SLC38A9: variants seen among roughly 807,000 people sequenced by gnomAD.
SLC38A9 encodes solute carrier family 38 member 9, also known as neutral amino acid transporter 9.
SLC38A9 carries 48 observed loss-of-function variants against 62.3 expected under a neutral mutation model. That is an observed-to-expected ratio of 0.77 (90% CI 0.61 to 0.98). The LOEUF (loss-of-function observed/expected upper bound fraction) is 0.98, where lower values mean the gene tolerates loss of function less well. SLC38A9 is among the 50% of genes least tolerant of loss of function. The pLI, the probability that SLC38A9 is intolerant of heterozygous loss-of-function variation, is 0.00. For missense variants in SLC38A9, 541 were observed against 679.8 expected (o/e 0.80, Z 2.27); for synonymous variants, 204 against 227.7 (o/e 0.90, Z 0.94).
In SLC38A9 at chr5:55,639,983, C is replaced by CTTTTTT. The variant is rs36073153; in HGVS notation, c.1168-4332_1168-4327dup. Among the ~76,000 whole-genome samples the CTTTTTT allele has an allele frequency of 3.5e-4, 34 of 98,462 alleles. 1 individual carries two copies. Among genetic ancestry groups the CTTTTTT allele is most frequent in the Non-Finnish European group, 4.2e-4 (22 of 52,720 alleles). 64.6% of individuals were successfully genotyped at this position (98,462 alleles called of 152,430 possible). A position where few individuals can be genotyped will look rare whatever the true frequency, so the allele number is the denominator to read the frequency against. On this transcript the variant is annotated intron_variant, in intron 12 of 15. Transcript: ENST00000396865. ...AAAAAAAAATCCATTTAAACCTTTG[C>CTTTTTT]TTTTTTTTTTTTTTTTTTTTGAGAT...
chr5:55,669,539 C>T lies in SLC38A9; in HGVS notation c.432+18G>A. 1 of 1,589,488 alleles carries T rather than the reference C, an allele frequency of 6.3e-7. No individual in the cohort carries two copies. ...GAAAAACATTTAGGCAAAAAGTGTG[C>T]TGAAAAATTAGTATTACCTGTTTTA... is the stretch of plus-strand genomic sequence containing the variant. On this transcript the variant is annotated intron_variant, in intron 6 of 15. Coordinates refer to ENST00000396865, the MANE Select transcript of SLC38A9 (RefSeq NM_173514.4).
chr5:55,636,208 A>G (rs1173566489), intron 12 of SLC38A9, among the ~76,000 whole-genome samples: 1 of 152,246 alleles, frequency 6.6e-6, no homozygotes, highest in East Asian at 1.9e-4. Flanking sequence ...CAAGCTTAAT[A>G]AATCTAAACA....
rs776880235 is a variant in SLC38A9 at position 55,672,674 on chromosome 5, T to C, written c.135A>G (p.Thr45=). The C allele has an allele frequency of 6.2e-7, 1 of 1,614,094 alleles. No individual in the cohort carries two copies. Among genetic ancestry groups the C allele is most frequent in the Non-Finnish European group, 8.5e-7 (1 of 1,180,026 alleles). The change falls in exon 4 of 16, where the codon ACA becomes ACG. Residue 45 remains threonine, a synonymous_variant. Coordinates refer to ENST00000396865, the MANE Select transcript of SLC38A9 (RefSeq NM_173514.4). ...RSKRPFCIEP[T]NIVNVNHVIQ... ...TGACATGATTCACATTCACGATGTT[T>C]GTGGGCTCTATACAGAAAGGCCTAC...
intron 3 of SLC38A9, among the ~76,000 whole-genome samples, chr5:55,685,188 A>T (rs1236649445): frequency 6.6e-6 from 1 of 152,206 alleles, no homozygotes; most frequent in African/African-American, 2.4e-5. Flanking sequence ...CAATTCACAG[A>T]TTGATGACTG....
intron 2 of SLC38A9, among the ~76,000 whole-genome samples, chr5:55,698,803 T>A (rs1158364733): frequency 6.6e-6 from 1 of 151,786 alleles, no homozygotes; most frequent in Admixed American, 6.6e-5. Context: ...TGGTGGCACA[T>A]GCCTGTAGTC....
chr5:55,664,802 A>C lies in SLC38A9; in HGVS notation c.588T>G (p.Phe196Leu). 6.3e-7 allele frequency: 1 copy of C among 1,592,412 alleles called. No homozygotes were observed. The highest frequency in any genetic ancestry group is 8.5e-7 in the Non-Finnish European group (1 of 1,170,588). Residue 196 changes from phenylalanine to leucine, a missense_variant, in exon 8 of 16, where the codon TTT becomes TTG. Phe to Leu is a conservative substitution (Grantham distance 22, BLOSUM62 0). Coordinates refer to ENST00000396865, the MANE Select transcript of SLC38A9 (RefSeq NM_173514.4). ...AGAAAAGGAGACTCGACCACTGCCC[A>C]AAGGAGCCGAAATAATGTCTGCAGA... ...PDVCRHYFGS[F>L]GQWSSLLFSL...
chr5:55,669,821 C>T lies in SLC38A9; in HGVS notation c.305G>A (p.Gly102Asp). 6.2e-7 allele frequency: 1 copy of T among 1,613,524 alleles called. No individual in the cohort carries two copies. The highest frequency in any genetic ancestry group is 8.5e-7 in the Non-Finnish European group (1 of 1,179,562). The change falls in exon 5 of 16, where the codon GGC (glycine) becomes GAC (aspartate). Residue 102 changes from glycine to aspartate, a missense_variant. Physicochemically the swap from Gly to Asp is moderately conservative, Grantham distance 94 (BLOSUM62 -1). Coordinates refer to ENST00000396865, the MANE Select transcript of SLC38A9 (RefSeq NM_173514.4). The stretch of plus-strand genomic sequence containing the variant: ...GTAACTTTGAAGTTTATAAGCAGAG[C>T]CCAATGGACTATACACATAGCACTC... ...PEECYVYSPL[G>D]SAYKLQSYTE...
chr5:55,699,308 G>A (rs1252884577), intron 2 of SLC38A9, among the ~76,000 whole-genome samples: 3 of 152,158 alleles, frequency 2.0e-5, no homozygotes, highest in Admixed American at 6.5e-5. Flanking sequence ...GTGTGTGTAT[G>A]AGCTTTTTTG....
intron 3 of SLC38A9, among the ~76,000 whole-genome samples, chr5:55,679,142 TATA>T (rs10533018): frequency 0.6 from 90,904 of 151,720 alleles, 27,793 homozygotes; most frequent in South Asian, 0.7. Context: ...TTATAGAGTA[TATA>T]ATATGTAAGT....
intron 12 of SLC38A9, among the ~76,000 whole-genome samples, chr5:55,638,506 T>G (rs1343344276): frequency 6.6e-6 from 1 of 152,186 alleles, no homozygotes; most frequent in African/African-American, 2.4e-5. Flanking sequence ...GGGTTGACGG[T>G]AGAAAACTAA....
intron 3 of SLC38A9, among the ~76,000 whole-genome samples, chr5:55,685,076 T>C (rs1753573992): frequency 6.6e-6 from 1 of 152,222 alleles, no homozygotes; most frequent in Non-Finnish European, 1.5e-5. Context: ...TTCTACATTG[T>C]CTTATTAGTT....
intron 12 of SLC38A9, among the ~76,000 whole-genome samples, chr5:55,637,837 T>C (rs1188160587): frequency 1.3e-5 from 2 of 152,214 alleles, no homozygotes; most frequent in Non-Finnish European, 2.9e-5. Context: ...GTTACAAAAC[T>C]CGTTTGTGGC....
At chr5:55,667,010 G>A (rs561899818) in intron 7 of SLC38A9, among the ~76,000 whole-genome samples, 25 of 149,498 alleles carry the variant, frequency 1.7e-4, no homozygotes, top group African/African-American at 5.4e-4. Context: ...GTGAGACTCC[G>A]TCTCAAAAAA....
intron 4 of SLC38A9, 55 bp from the exon 5 acceptor site, chr5:55,669,934 A>G: frequency 6.6e-7 from 1 of 1,526,636 alleles, no homozygotes; most frequent in South Asian, 1.2e-5. Flanking sequence ...AAAATAGGAT[A>G]TTTGTTACAC....
At chr5:55,688,659 G>C (rs28661188) in intron 3 of SLC38A9, among the ~76,000 whole-genome samples, 91,082 of 151,856 alleles carry the variant, frequency 0.6, 27,891 homozygotes, top group South Asian at 0.7. Flanking sequence ...GGATTACAGG[G>C]GTGAGCCACT....
chr5:55,710,596 T>C (rs1221678080), intron 2 of SLC38A9, among the ~76,000 whole-genome samples: 1 of 152,104 alleles, frequency 6.6e-6, no homozygotes, highest in Non-Finnish European at 1.5e-5. Context: ...TTTGACCTAT[T>C]GAAACTTTTT....
chr5:55,636,453 TG>T (rs1327209541), intron 12 of SLC38A9, among the ~76,000 whole-genome samples: 1 of 152,194 alleles, frequency 6.6e-6, no homozygotes, highest in Admixed American at 6.5e-5. Context: ...TCATCACCAC[TG>T]AAGTTATGGC....
chr5:55,681,078 C>G (rs961423217), intron 3 of SLC38A9, among the ~76,000 whole-genome samples: 1 of 152,182 alleles, frequency 6.6e-6, no homozygotes, highest in African/African-American at 2.4e-5. Flanking sequence ...AACTGTCACA[C>G]ATTGCTAGTA....
chr5:55,629,479 T>C (rs564933610), intron 14 of SLC38A9, among the ~76,000 whole-genome samples: 4 of 152,322 alleles, frequency 2.6e-5, no homozygotes, highest in African/African-American at 9.6e-5. Context: ...TTTGAATATA[T>C]ATCCTTTAAA....
Sources: allele counts gnomAD v4.1 joint callset (sites outside exome capture counted in the v4.1 genomes callset), GRCh38; gene constraint gnomAD v4.1.1; transcripts MANE v1.5; gene names NCBI Gene and HGNC (gene_info 2026-07-23, HGNC 2026-07-21).